The following ZDHHC14 variants were observed in gnomAD, a reference collection of about 807,000 sequenced individuals.
ZDHHC14 encodes zDHHC palmitoyltransferase 14, also known as palmitoyltransferase ZDHHC14.
In ZDHHC14, 16 loss-of-function variants were observed where a neutral mutation model predicts 47.7. That is an observed-to-expected ratio of 0.34 (90% CI 0.23 to 0.51). The LOEUF (loss-of-function observed/expected upper bound fraction) is 0.51, where lower values mean the gene tolerates loss of function less well. ZDHHC14 is among the 20% of genes least tolerant of loss of function. The pLI, the probability that ZDHHC14 is intolerant of heterozygous loss-of-function variation, is 0.97. For missense variants in ZDHHC14, 515 were observed against 662.5 expected, an observed-to-expected ratio of 0.78 and a Z score of 2.44; for synonymous variants, 293 against 278.9, an observed-to-expected ratio of 1.05 and a Z score of -0.50.
At chr6:157,505,671 C>T (rs1455264602) in intron 1 of ZDHHC14, among the ~76,000 whole-genome samples, 1 of 152,174 alleles carries the variant, frequency 6.6e-6, no homozygotes, top group African/African-American at 2.4e-5. Flanking sequence ...GTTATTAAAA[C>T]CCTGACGTCC....
At chr6:157,551,266 A>AT (rs1173923172) in intron 2 of ZDHHC14, among the ~76,000 whole-genome samples, 3 of 152,132 alleles carry the variant, frequency 2.0e-5, no homozygotes, top group African/African-American at 7.2e-5. Context: ...GTCATGGGAC[A>AT]TTCCAGCTTA....
rs965602761 is a variant in ZDHHC14 at position 157,502,725 on chromosome 6, C to G, written c.246-39860C>G. On this transcript the variant is annotated intron_variant, in intron 1 of 8. Transcript: ENST00000359775. This position sits in a 1 kb window ranked among gnomAD's most constrained non-coding sequence, Gnocchi z 4.0. ...TTTGTTTTTTAGACAGGGTCTTGCT[C>G]TGTCACCCAGGCTGGAGTGCAGTGG... Among the ~76,000 whole-genome samples the G allele has an allele frequency of 6.6e-6, 1 of 152,136 alleles. No homozygotes were observed. The highest frequency in any genetic ancestry group is 1.5e-5 in the Non-Finnish European group (1 of 68,018).
Position 157,675,777 on chromosome 6 carries a change from G to A in ZDHHC14, c.*2655G>A, listed in dbSNP as rs1172094535. 6.6e-6 allele frequency: 1 copy of A among 152,214 alleles called. No individual in the cohort carries two copies. The highest frequency in any genetic ancestry group is 2.4e-5 in the African/African-American group (1 of 41,450). 9.4% of individuals were successfully genotyped at this position (152,214 alleles called of 1,614,324 possible). On this transcript the variant is annotated 3_prime_UTR_variant, in exon 9 of 9. Transcript: ENST00000359775. ...AATATAAATACTTATGTTTATAAAT[G>A]TTGAATGGTTCCTTCTAGCTGTGGC...
intron 2 of ZDHHC14, among the ~76,000 whole-genome samples, chr6:157,549,087 C>T (rs1782108909): frequency 6.6e-6 from 1 of 152,232 alleles, no homozygotes; most frequent in Admixed American, 6.5e-5. Context: ...TATCTGATAT[C>T]ACAGCGTGTG....
intron 2 of ZDHHC14, among the ~76,000 whole-genome samples, chr6:157,558,993 C>T (rs1782593006): frequency 6.6e-6 from 1 of 152,132 alleles, no homozygotes; most frequent in South Asian, 2.1e-4. Context: ...ATCACACTTC[C>T]CAACTCTTAC....
chr6:157,474,838 C>T (rs1413068791), intron 1 of ZDHHC14, among the ~76,000 whole-genome samples: 3 of 152,164 alleles, frequency 2.0e-5, no homozygotes, highest in Admixed American at 6.5e-5. Flanking sequence ...AATATATTCT[C>T]CCATTCTGTA....
intron 3 of ZDHHC14, among the ~76,000 whole-genome samples, chr6:157,605,221 G>T (rs1784492243): frequency 6.6e-6 from 1 of 152,170 alleles, no homozygotes; most frequent in Admixed American, 6.5e-5. Context: ...AACAGGTTAA[G>T]TTTTATTTTG....
At chr6:157,562,860 G>A (rs1209536048) in intron 2 of ZDHHC14, among the ~76,000 whole-genome samples, 1 of 152,064 alleles carries the variant, frequency 6.6e-6, no homozygotes, top group Non-Finnish European at 1.5e-5. Flanking sequence ...TCAGGACAAC[G>A]GTTCCCTCCC....
At chr6:157,631,178 C>G (rs1785720453) in intron 4 of ZDHHC14, 1 of 151,730 alleles carries the variant, frequency 6.6e-6, no homozygotes, top group African/African-American at 2.4e-5. Context: ...CTCACATGCT[C>G]TCACACACTC....
intron 3 of ZDHHC14, among the ~76,000 whole-genome samples, chr6:157,612,618 G>C (rs1263100443): frequency 6.6e-6 from 1 of 151,610 alleles, no homozygotes; most frequent in Non-Finnish European, 1.5e-5. Flanking sequence ...GGGGATGTGT[G>C]GACTCGAGTG....
intron 1 of ZDHHC14, among the ~76,000 whole-genome samples, chr6:157,526,617 C>T (rs544796706): frequency 2.6e-5 from 4 of 152,340 alleles, no homozygotes; most frequent in East Asian, 3.9e-4. Context: ...CTTTCACACA[C>T]GAGTGTCTTC....
At chr6:157,662,091 G>A (rs1178861237) in intron 8 of ZDHHC14, among the ~76,000 whole-genome samples, 1 of 152,176 alleles carries the variant, frequency 6.6e-6, no homozygotes, top group Non-Finnish European at 1.5e-5. Flanking sequence ...ACACCAGATT[G>A]CAAATTAATA....
chr6:157,579,190 G>GTTGTT (rs1562490099), intron 2 of ZDHHC14, among the ~76,000 whole-genome samples: 2 of 63,946 alleles, frequency 3.1e-5, no homozygotes, highest in African/African-American at 5.5e-5. Context: ...TTGATTCTGT[G>GTTGTT]TTTTTTTTTT....
chr6:157,459,618 G>T (rs898067838), intron 1 of ZDHHC14, among the ~76,000 whole-genome samples: 2 of 152,170 alleles, frequency 1.3e-5, no homozygotes, highest in African/African-American at 4.8e-5. Flanking sequence ...GAGCCTCAGG[G>T]TGGGAGCCTC....
At chr6:157,446,774 C>T (rs17297347) in intron 1 of ZDHHC14, among the ~76,000 whole-genome samples, 24,941 of 152,134 alleles carry the variant, frequency 0.16, 2,389 homozygotes, top group Middle Eastern at 0.26. Context: ...CTTGCTAGAT[C>T]AGTTATATGC....
intron 1 of ZDHHC14, among the ~76,000 whole-genome samples, chr6:157,430,869 A>T (rs1346031041): frequency 6.6e-6 from 1 of 152,220 alleles, no homozygotes; most frequent in African/African-American, 2.4e-5. Context: ...TGTGCATGTG[A>T]TAAATCCATT....
intron 1 of ZDHHC14, among the ~76,000 whole-genome samples, chr6:157,438,149 T>A (rs1448980467): frequency 1.3e-5 from 2 of 151,252 alleles, no homozygotes; most frequent in Non-Finnish European, 3.0e-5. Flanking sequence ...TCAAAAAAAA[T>A]GAGAAAGTAG....
At chr6:157,504,531 C>CTT (rs1780273593) in intron 1 of ZDHHC14, among the ~76,000 whole-genome samples, 3 of 134,524 alleles carry the variant, frequency 2.2e-5, no homozygotes, top group Admixed American at 1.7e-4. Flanking sequence ...CAGCTCACTG[C>CTT]AGCCTCCGGC....
chr6:157,497,264 A>G (rs1279674900), intron 1 of ZDHHC14, among the ~76,000 whole-genome samples: 2 of 152,216 alleles, frequency 1.3e-5, no homozygotes, highest in Non-Finnish European at 2.9e-5. Context: ...CAATGTGATT[A>G]ACTTCAGGGA....
Sources: allele counts gnomAD v4.1 joint callset (sites outside exome capture counted in the v4.1 genomes callset), GRCh38; gene constraint gnomAD v4.1.1; non-coding constraint Gnocchi (gnomAD v3.1); transcripts MANE v1.5; gene names NCBI Gene and HGNC (gene_info 2026-07-23, HGNC 2026-07-21).